SND1: variants seen among roughly 807,000 people sequenced by gnomAD.
SND1 encodes the protein staphylococcal nuclease domain-containing protein 1.
In SND1, 38 loss-of-function variants were observed where a neutral mutation model predicts 121.7. The ratio of observed to expected loss-of-function variants is 0.31; its 90% confidence interval spans 0.24 to 0.41. The LOEUF (loss-of-function observed/expected upper bound fraction) is 0.41, where lower values mean the gene tolerates loss of function less well. Ranked by LOEUF, SND1 falls within the 10% of genes least tolerant of loss-of-function variation. The probability of loss-of-function intolerance (pLI) is 1.00; values close to 1 mark genes in which losing one functional copy is unlikely to be tolerated. For synonymous variants in SND1, 401 were observed against 447.4 expected, an observed-to-expected ratio of 0.90 and a Z score of 1.31; for missense variants, 868 against 1,184.6, an observed-to-expected ratio of 0.73 and a Z score of 3.92.
chr7:127,711,566 A>G (rs966515322), intron 9 of SND1, among the ~76,000 whole-genome samples: 4 of 152,124 alleles, frequency 2.6e-5, no homozygotes, highest in Admixed American at 6.5e-5. Flanking sequence ...CCAACATTTC[A>G]TAGCGATGCA....
chr7:128,010,856 GC>G (rs964119109), intron 16 of SND1, among the ~76,000 whole-genome samples: 1 of 152,112 alleles, frequency 6.6e-6, no homozygotes, highest in Non-Finnish European at 1.5e-5. Context: ...ATTGGCCCCA[GC>G]CCCCCAGAGC....
chr7:128,006,228 G>A (rs1802970024), intron 16 of SND1, among the ~76,000 whole-genome samples: 1 of 141,216 alleles, frequency 7.1e-6, no homozygotes, highest in African/African-American at 3.1e-5. Flanking sequence ...CATGGGAAGG[G>A]TGCGTGCGTG....
In SND1 at chr7:127,707,639, G is replaced by C. The variant is rs1796223910; in HGVS notation, c.1030G>C (p.Val344Leu). 1 of 1,613,770 alleles carries C rather than the reference G, an allele frequency of 6.2e-7. No homozygotes were observed. Among genetic ancestry groups the C allele is most frequent in the Admixed American group, 1.7e-5 (1 of 60,008 alleles). Residue 344 changes from valine (V) to leucine (L), a missense_variant, in exon 9 of 24, where the codon GTT (valine) becomes CTT (leucine). By Grantham distance (32) the Val-to-Leu change is conservative. This residue lies in a region of SND1 where 743 missense variants were observed against 1,071.3 expected (regional missense o/e 0.69). Coordinates refer to ENST00000354725, the MANE Select transcript of SND1 (RefSeq NM_014390.4). ...TTTGGACCAAAAGGACAAGCAGTTTGTTGCCAAGGTGAGTCATTCTCAGCA... is the reference window on the plus strand; with the variant it reads ...TTTGGACCAAAAGGACAAGCAGTTTCTTGCCAAGGTGAGTCATTCTCAGCA... ...ANLDQKDKQF[V>L]AKVMQVLNAD...
chr7:127,892,393 C>G (rs1800024777), intron 13 of SND1, among the ~76,000 whole-genome samples: 1 of 152,078 alleles, frequency 6.6e-6, no homozygotes, highest in Admixed American at 6.6e-5. Flanking sequence ...TCAAGCATAT[C>G]CACCTGCCTG....
intron 16 of SND1, among the ~76,000 whole-genome samples, chr7:128,047,800 C>T (rs1792974786): frequency 6.6e-6 from 1 of 152,132 alleles, no homozygotes; most frequent in South Asian, 2.1e-4. Context: ...ACTAGTGACC[C>T]ACCTACAAAG....
chr7:127,930,865 A>T (rs1726888157), intron 15 of SND1, among the ~76,000 whole-genome samples: 1 of 152,088 alleles, frequency 6.6e-6, no homozygotes, highest in South Asian at 2.1e-4. Context: ...TTTTTTATAG[A>T]TAGGAGGATT....
chr7:128,086,021 C>T (rs2117066207), intron 20 of SND1, among the ~76,000 whole-genome samples: 1 of 152,340 alleles, frequency 6.6e-6, no homozygotes, highest in African/African-American at 2.4e-5. Context: ...AGTGTCCAGC[C>T]ACACCCACAG....
At chr7:127,841,184 A>G (rs1326631181) in intron 11 of SND1, among the ~76,000 whole-genome samples, 1 of 152,136 alleles carries the variant, frequency 6.6e-6, no homozygotes, top group East Asian at 1.9e-4. Flanking sequence ...CTCTGTGCTA[A>G]ACAGCTGCTG....
chr7:128,030,471 C>T, intron 16 of SND1: 1 of 1,613,624 alleles, frequency 6.2e-7, no homozygotes, highest in South Asian at 1.1e-5. Context: ...CACCACCTTG[C>T]TGAACTGGTT....
chr7:127,883,902 C>G (rs1292698530), intron 12 of SND1, among the ~76,000 whole-genome samples: 1 of 152,058 alleles, frequency 6.6e-6, no homozygotes, highest in Admixed American at 6.6e-5. Context: ...TGATGGTAGT[C>G]TTGATCATTT....
At chr7:127,862,419 G>A (rs1369478966) in intron 12 of SND1, among the ~76,000 whole-genome samples, 2 of 152,052 alleles carry the variant, frequency 1.3e-5, no homozygotes, top group Admixed American at 6.5e-5. Flanking sequence ...TAATTTATAA[G>A]TTACCCATTC....
chr7:127,661,221 A>G (rs1371094816), intron 1 of SND1, among the ~76,000 whole-genome samples: 11 of 152,172 alleles, frequency 7.2e-5, no homozygotes. Flanking sequence ...GGGTCCACTT[A>G]TAGTGACTCA....
At chr7:128,032,276 TTCC>T (rs966317732) in intron 16 of SND1, among the ~76,000 whole-genome samples, 1 of 149,900 alleles carries the variant, frequency 6.7e-6, no homozygotes, top group African/African-American at 2.5e-5. Flanking sequence ...GTCTTCCTCT[TTCC>T]TCCTTCCTTC....
chr7:127,825,036 T>G lies in SND1; in HGVS notation c.1242+17463T>G, dbSNP rs529034531. On this transcript the variant is annotated intron_variant, in intron 11 of 23. Coordinates refer to ENST00000354725, the MANE Select transcript of SND1 (RefSeq NM_014390.4). ...GCTGGAGAATTATATGTAGGGAATCTAATCTCCCTTATTGACAGTAATATA... is the reference window on the plus strand; with the variant it reads ...GCTGGAGAATTATATGTAGGGAATCGAATCTCCCTTATTGACAGTAATATA... 2.0e-5 allele frequency among the ~76,000 whole-genome samples: 3 copies of G among 152,348 alleles called. No individual in the cohort carries two copies. The South Asian group carries it at 6.2e-4, about 32-fold the overall frequency.
chr7:128,039,628 G>C (rs1047697883), intron 16 of SND1, among the ~76,000 whole-genome samples: 1 of 152,170 alleles, frequency 6.6e-6, no homozygotes, highest in African/African-American at 2.4e-5. Flanking sequence ...AAAGGCTCAC[G>C]GGTTCTTGGC....
chr7:127,982,265 A>G (rs1802282983), intron 15 of SND1, among the ~76,000 whole-genome samples: 4 of 152,180 alleles, frequency 2.6e-5, no homozygotes, highest in Admixed American at 2.6e-4. Context: ...TCCAATTCCA[A>G]ATTAACTTCA....
At chr7:127,847,244 C>T (rs1033261196) in intron 12 of SND1, among the ~76,000 whole-genome samples, 11 of 152,152 alleles carry the variant, frequency 7.2e-5, no homozygotes, top group African/African-American at 2.7e-4. Context: ...TGCACTCCAG[C>T]CTGGGCAATA....
intron 14 of SND1, among the ~76,000 whole-genome samples, chr7:127,926,579 G>A (rs1800841826): frequency 1.6e-5 from 2 of 122,786 alleles, no homozygotes; most frequent in South Asian, 5.2e-4. Context: ...TTTTGTCGGA[G>A]TCTCGCTCTA....
At chr7:128,001,867 G>A (rs1468812333) in intron 16 of SND1, among the ~76,000 whole-genome samples, 1 of 152,192 alleles carries the variant, frequency 6.6e-6, no homozygotes, top group East Asian at 1.9e-4. Context: ...GGAGGCGGAG[G>A]TTGCGGTGAG....
Sources: allele counts gnomAD v4.1 joint callset (sites outside exome capture counted in the v4.1 genomes callset), GRCh38; gene constraint gnomAD v4.1.1; regional missense constraint gnomAD v4.1.1; transcripts MANE v1.5; gene names NCBI Gene and HGNC (gene_info 2026-07-23, HGNC 2026-07-21).